Variants in RGS6 observed in about 807,000 individuals in gnomAD.
RGS6 encodes regulator of G protein signaling 6.
A neutral mutation model predicts 78.5 loss-of-function variants in RGS6; 30 were observed. That is an observed-to-expected ratio of 0.38 (90% CI 0.29 to 0.52). The LOEUF (loss-of-function observed/expected upper bound fraction) is 0.52, where lower values mean the gene tolerates loss of function less well. Among genes scored for constraint, RGS6 ranks in the 20% least tolerant of loss-of-function variants. RGS6 has a pLI of 0.85. For missense variants in RGS6, 495 were observed against 609.7 expected, an observed-to-expected ratio of 0.81 and a Z score of 1.98; for synonymous variants, 206 against 206.0, an observed-to-expected ratio of 1.00 and a Z score of 0.00.
chr14:72,026,535 C>T (rs1402269904), intron 2 of RGS6, among the ~76,000 whole-genome samples: 1 of 152,184 alleles, frequency 6.6e-6, no homozygotes, highest in African/African-American at 2.4e-5. Context: ...TTACTTCAGC[C>T]CATCAGGGAT....
chr14:72,112,508 A>G (rs1462937512), intron 2 of RGS6, among the ~76,000 whole-genome samples: 1 of 152,212 alleles, frequency 6.6e-6, no homozygotes, highest in Non-Finnish European at 1.5e-5. Flanking sequence ...CTGTCATATC[A>G]TAGAAATCAC....
chr14:72,465,120 G>A (rs138232048), intron 6 of RGS6, among the ~76,000 whole-genome samples: 52 of 152,272 alleles, frequency 3.4e-4, no homozygotes, highest in African/African-American at 1.3e-3. Flanking sequence ...AAAGAATGAA[G>A]CTGAAAAGAG....
chr14:72,253,638 C>T (rs2153848221), intron 2 of RGS6, among the ~76,000 whole-genome samples: 1 of 152,270 alleles, frequency 6.6e-6, no homozygotes, highest in Non-Finnish European at 1.5e-5. Context: ...TCCTCACCTC[C>T]TTGAAGTTGG....
At chr14:71,875,170 G>A in the RGS6 span, among the ~76,000 whole-genome samples, 72 of 152,278 alleles carry the variant, frequency 4.7e-4, 1 homozygote, top group South Asian at 4.8e-3. Context: ...AAATGAATTA[G>A]GGAGGATTCC....
At chr14:72,373,043 AG>A (rs752379662) in intron 3 of RGS6, among the ~76,000 whole-genome samples, 7 of 152,156 alleles carry the variant, frequency 4.6e-5, no homozygotes, top group Non-Finnish European at 1.0e-4. Flanking sequence ...TGGAGGGTCA[AG>A]GGAGCATCAT....
intron 1 of RGS6, among the ~76,000 whole-genome samples, chr14:71,943,322 C>T (rs574817756): frequency 3.3e-5 from 5 of 152,210 alleles, no homozygotes; most frequent in African/African-American, 1.2e-4. Flanking sequence ...ATAGAGGACC[C>T]TGTATGAAGT....
chr14:71,940,006 A>G (rs923689779), intron 1 of RGS6, among the ~76,000 whole-genome samples: 2 of 152,198 alleles, frequency 1.3e-5, no homozygotes, highest in Non-Finnish European at 2.9e-5. Context: ...TATGCCAATT[A>G]TGCATTCTGG....
intron 3 of RGS6, among the ~76,000 whole-genome samples, chr14:72,430,202 T>G (rs2094571691): frequency 6.6e-6 from 1 of 152,186 alleles, no homozygotes; most frequent in Non-Finnish European, 1.5e-5. Context: ...AGACAGCCAT[T>G]CTTTAAAATA....
intron 3 of RGS6, among the ~76,000 whole-genome samples, chr14:72,447,963 C>T (rs536176802): frequency 2.0e-5 from 3 of 152,180 alleles, no homozygotes; most frequent in Non-Finnish European, 4.4e-5. Flanking sequence ...CTCGGCCTCC[C>T]GCAGTGTACT....
At chr14:72,419,198 A>G (rs1039363348) in intron 3 of RGS6, among the ~76,000 whole-genome samples, 1 of 152,266 alleles carries the variant, frequency 6.6e-6, no homozygotes, top group Non-Finnish European at 1.5e-5. Flanking sequence ...GATTAGTAGT[A>G]GTAAAAATAC....
At chr14:72,494,082 A>G (rs1178443307) in intron 12 of RGS6, among the ~76,000 whole-genome samples, 1 of 152,222 alleles carries the variant, frequency 6.6e-6, no homozygotes, top group Admixed American at 6.5e-5. Context: ...AAGACTAAAG[A>G]CTTCAGGAAA....
intron 2 of RGS6, among the ~76,000 whole-genome samples, chr14:72,137,151 C>T (rs2096456774): frequency 1.3e-5 from 2 of 152,146 alleles, no homozygotes; most frequent in African/African-American, 2.4e-5. Flanking sequence ...AACTAAGGTG[C>T]AGCCACTGGG....
intron 2 of RGS6, among the ~76,000 whole-genome samples, chr14:72,155,916 G>A (rs534396176): frequency 2.6e-5 from 4 of 152,350 alleles, no homozygotes; most frequent in African/African-American, 9.6e-5. Flanking sequence ...GAGAAAATGA[G>A]GTTCAACTGG....
At chr14:72,018,932 G>C (rs940652058) in intron 2 of RGS6, among the ~76,000 whole-genome samples, 4 of 152,132 alleles carry the variant, frequency 2.6e-5, no homozygotes, top group African/African-American at 4.8e-5. Context: ...ATTTCCAGGT[G>C]CTTGTAGGAG....
At position 72,362,770 on chromosome 14, in the gene RGS6, G is replaced by C. The variant is rs73308871; in HGVS notation, c.184+10576G>C. ...ACAAGGCAAAGTCTGGATTGAAGAG[G>C]ATGGAGAAACCAACTCCACCTCCTG... On this transcript the variant is annotated intron_variant, in intron 3 of 17. Transcript: ENST00000553525. 6.9e-3 allele frequency among the ~76,000 whole-genome samples: 1,051 copies of C among 152,336 alleles called. 12 individuals are homozygous for C. Among genetic ancestry groups the C allele is most frequent in the African/African-American group, 0.024 (984 of 41,570 alleles).
chr14:72,376,834 G>GAGTCTT (rs1482861872), intron 3 of RGS6, among the ~76,000 whole-genome samples: 2 of 152,104 alleles, frequency 1.3e-5, no homozygotes, highest in Non-Finnish European at 2.9e-5. Context: ...ACGCTTAAGA[G>GAGTCTT]AGTCTTACAT....
intron 6 of RGS6, 85 bp downstream of exon 6, chr14:72,459,768 C>T: frequency 7.3e-7 from 1 of 1,364,110 alleles, no homozygotes; most frequent in Non-Finnish European, 1.0e-6. Context: ...TTGGTGTGGG[C>T]CATGGTGGTA....
chr14:72,300,762 T>C (rs2065887604), intron 2 of RGS6, among the ~76,000 whole-genome samples: 1 of 152,122 alleles, frequency 6.6e-6, no homozygotes, highest in East Asian at 1.9e-4. Context: ...TTGGCGGTGG[T>C]CAGTAAATGT....
chr14:71,906,557 G>A, the RGS6 span, among the ~76,000 whole-genome samples: 2 of 152,144 alleles, frequency 1.3e-5, no homozygotes, highest in Non-Finnish European at 2.9e-5. Context: ...AAAAACCTTT[G>A]AGTCTCTTCC....
Sources: gnomAD v4.1 joint callset for allele counts (sites outside exome capture counted in the v4.1 genomes callset) on GRCh38, gnomAD v4.1.1 for gene constraint, MANE v1.5 for transcripts, NCBI Gene and HGNC (gene_info 2026-07-23, HGNC 2026-07-21) for gene names.